Variants in AARS1 observed in about 807,000 individuals in gnomAD.
The protein encoded by AARS1 is alanine--tRNA ligase, cytoplasmic.
A neutral mutation model predicts 108.9 loss-of-function variants in AARS1; 72 were observed. The observed-to-expected ratio is 0.66, with a 90% confidence interval of 0.55 to 0.80. The LOEUF is 0.80. Among genes scored for constraint, AARS1 ranks in the 30% least tolerant of loss-of-function variants. The pLI, the probability that AARS1 is intolerant of heterozygous loss-of-function variation, is 0.00. For missense variants in AARS1, 1,193 were observed against 1,233.2 expected (o/e 0.97, Z 0.49); for synonymous variants, 489 against 465.7 (o/e 1.05, Z -0.64).
At chr16:70,258,490 T>C (rs1339306841) in intron 14 of AARS1, among the ~76,000 whole-genome samples, 2 of 152,118 alleles carry the variant, frequency 1.3e-5, no homozygotes, top group South Asian at 2.1e-4. Flanking sequence ...GTGGGACAAA[T>C]GCCTCTCCCT....
At chr16:70,275,695 G>A (rs895730770) in intron 4 of AARS1, among the ~76,000 whole-genome samples, 37 of 150,660 alleles carry the variant, frequency 2.5e-4, no homozygotes, top group African/African-American at 8.3e-4. Flanking sequence ...CCTGGGAGGC[G>A]GAGCTTGCAG....
chr16:70,288,067 G>C (rs1242343678), intron 1 of AARS1, among the ~76,000 whole-genome samples: 2 of 134,876 alleles, frequency 1.5e-5, no homozygotes, highest in Middle Eastern at 5.2e-3. Flanking sequence ...GCCCGGCCAA[G>C]ACACTTATTT....
chr16:70,266,842 C>G (rs1960275432), intron 9 of AARS1, among the ~76,000 whole-genome samples: 4 of 149,980 alleles, frequency 2.7e-5, no homozygotes, highest in Admixed American at 2.7e-4. Context: ...ATTTCTTTTT[C>G]TTTTTCTTTT....
At chr16:70,287,715 C>A (rs535574619) in intron 1 of AARS1, among the ~76,000 whole-genome samples, 2 of 152,138 alleles carry the variant, frequency 1.3e-5, no homozygotes, top group East Asian at 3.9e-4. Flanking sequence ...AACATTCCAG[C>A]CTAGGTAACA....
In AARS1 at chr16:70,253,756, C is replaced by T. The variant is rs779568822; in HGVS notation, c.2565G>A (p.Gln855=). The stretch of plus-strand genomic sequence containing the variant: ...TCTCCATCTCCAGGATGACAAGAGG[C>T]TGGTTGGGGTTGCTGTCGATGAACT... ...TKQFIDSNPN[Q]PLVILEMESG... is the part of the protein sequence containing the mutation. The change falls in exon 19 of 21, where the codon CAG becomes CAA. Residue 855 remains glutamine (Q), a synonymous_variant. Transcript: ENST00000261772. 6.2e-7 allele frequency: 1 copy of T among 1,614,158 alleles called. No individual in the cohort carries two copies. Among genetic ancestry groups the T allele is most frequent in the Admixed American group, 1.7e-5 (1 of 60,030 alleles).
At chr16:70,270,512 G>A (rs1960372535) in intron 5 of AARS1, among the ~76,000 whole-genome samples, 172 bp from the exon 6 acceptor site, 1 of 152,064 alleles carries the variant, frequency 6.6e-6, no homozygotes, top group Non-Finnish European at 1.5e-5. Context: ...GAAAGGAAGA[G>A]TTCATTCTTA....
At chr16:70,285,457 T>A (rs1370793981) in intron 1 of AARS1, among the ~76,000 whole-genome samples, 7 of 152,022 alleles carry the variant, frequency 4.6e-5, no homozygotes, top group Non-Finnish European at 1.5e-5. Context: ...TTTCTTTTTT[T>A]TTCTTTTTTG....
chr16:70,267,632 T>G, intron 9 of AARS1, 27 bp downstream of exon 9: 1 of 1,614,092 alleles, frequency 6.2e-7, no homozygotes, highest in Non-Finnish European at 8.5e-7. Context: ...ACGGCCAGGA[T>G]GGAGAAGGGC....
intron 16 of AARS1, 146 bp downstream of exon 16, chr16:70,255,582 A>T (rs1213854778): frequency 1.4e-6 from 1 of 726,416 alleles, no homozygotes; most frequent in Non-Finnish European, 2.5e-6. Context: ...ACTCAGGGGT[A>T]GGACACTGGG....
intron 18 of AARS1, 31 bp from the exon 19 acceptor site, chr16:70,253,831 A>G (rs1250510983): frequency 1.2e-6 from 2 of 1,614,236 alleles, no homozygotes; most frequent in South Asian, 2.2e-5. Context: ...ACAGCAGCTC[A>G]GACCAAAAGC....
intron 19 of AARS1, 128 bp downstream of exon 19, chr16:70,253,586 C>T: frequency 8.3e-7 from 1 of 1,197,716 alleles, no homozygotes; most frequent in Non-Finnish European, 1.2e-6. Flanking sequence ...GGAGCTGCTG[C>T]TCCTCCCAAT....
chr16:70,267,903 C>T lies in AARS1; in HGVS notation c.1072-94G>A, dbSNP rs111624368. 3.5e-5 allele frequency: 55 copies of T among 1,559,498 alleles called. No individual in the cohort carries two copies. In the African/African-American group the frequency reaches 4.5e-4, roughly 13 times the overall value. ...AGCTCCTTAGCTGGGTGCAGTGGCT[C>T]ACGCCTGTAATCCTACCACTTTGGG... is the stretch of plus-strand genomic sequence containing the variant. On this transcript the variant is annotated intron_variant, in intron 8 of 20. Transcript: ENST00000261772.
intron 13 of AARS1, 138 bp from the exon 14 acceptor site, chr16:70,259,324 C>T: frequency 2.2e-6 from 2 of 917,210 alleles, no homozygotes; most frequent in South Asian, 2.9e-5. Flanking sequence ...CCCAGCTTCC[C>T]TATGGCTAAG....
intron 17 of AARS1, chr16:70,254,412 G>A: frequency 1.6e-6 from 1 of 612,620 alleles, no homozygotes; most frequent in Non-Finnish European, 3.0e-6. Flanking sequence ...GAGCTCTCCT[G>A]CTAGCAGCAC....
At chr16:70,257,972 CCTA>C in intron 15 of AARS1, 58 bp downstream of exon 15, 1 of 1,591,462 alleles carries the variant, frequency 6.3e-7, no homozygotes, top group Non-Finnish European at 8.6e-7. Context: ...CAGCCTAAGA[CCTA>C]CATCCTCAGA....
intron 2 of AARS1, among the ~76,000 whole-genome samples, chr16:70,279,349 T>TA (rs1960633775): frequency 3.3e-5 from 1 of 30,292 alleles, no homozygotes; most frequent in African/African-American, 1.8e-4. Context: ...AAACTTCATC[T>TA]CAAAAAAAAA....
In AARS1 at chr16:70,282,867, G is replaced by C; in HGVS notation, c.-21-83C>G. 16 of 1,414,554 alleles carry C rather than the reference G, an allele frequency of 1.1e-5. 1 individual carries two copies. The South Asian group carries it at 1.7e-4, about 15-fold the overall frequency. 87.6% of individuals were successfully genotyped at this position (1,414,554 alleles called of 1,614,324 possible). On this transcript the variant is annotated intron_variant, in intron 1 of 20. Coordinates refer to ENST00000261772, the MANE Select transcript of AARS1 (RefSeq NM_001605.3). ...TTACACAAGACTTCTGGCTTCTCAA[G>C]CCAAGTCAAAGCACGACTCAGGTGA...
chr16:70,268,427 G>C (rs1960318160), intron 7 of AARS1, 48 bp from the exon 8 acceptor site: 2 of 1,534,832 alleles, frequency 1.3e-6, no homozygotes, highest in African/African-American at 1.4e-5. Flanking sequence ...TGAGGGTTTT[G>C]TCTTGAGTCC....
Position 70,254,650 on chromosome 16 carries a change from C to T in AARS1, c.2371G>A (p.Val791Met). ...VKAQTAPNKD[V>M]QREIADLGEA... is the part of the protein sequence containing the mutation. Reference sequence around the variant, plus strand: ...CCAAGGTCAGCGATCTCCCTCTGCACATCCTTGTTTGGAGCAGTCTGAGCC... The same window carrying T: ...CCAAGGTCAGCGATCTCCCTCTGCATATCCTTGTTTGGAGCAGTCTGAGCC... Residue 791 changes from valine to methionine, a missense_variant, in exon 17 of 21, where the codon GTG becomes ATG. By Grantham distance (21) the Val-to-Met change is conservative. Transcript: ENST00000261772. The T allele has an allele frequency of 1.2e-6, 2 of 1,614,074 alleles. No individual in the cohort carries two copies. The highest frequency in any genetic ancestry group is 1.7e-6 in the Non-Finnish European group (2 of 1,179,938).
Sources: gnomAD v4.1 joint callset for allele counts (sites outside exome capture counted in the v4.1 genomes callset) on GRCh38, gnomAD v4.1.1 for gene constraint, MANE v1.5 for transcripts, NCBI Gene and HGNC (gene_info 2026-07-23, HGNC 2026-07-21) for gene names.